LRRC4C: variants seen among roughly 807,000 people sequenced by gnomAD.
LRRC4C encodes leucine rich repeat containing 4C.
Under a neutral mutation model 33.6 loss-of-function variants are expected in LRRC4C, and 5 were observed. That is an observed-to-expected ratio of 0.15 (90% CI 0.08 to 0.31). The LOEUF (loss-of-function observed/expected upper bound fraction) is 0.31. Ranked by LOEUF, LRRC4C falls within the 10% of genes least tolerant of loss-of-function variation. LRRC4C has a pLI of 1.00. For synonymous variants in LRRC4C, 329 were observed against 302.0 expected (o/e 1.09, Z -0.93); for missense variants, 560 against 796.7 (o/e 0.70, Z 3.58).
At chr11:41,249,564 C>A (rs1948572657) in intron 1 of LRRC4C, among the ~76,000 whole-genome samples, 1 of 152,118 alleles carries the variant, frequency 6.6e-6, no homozygotes, top group African/African-American at 2.4e-5. Context: ...GCCTTTGCTT[C>A]CAGTACCTCC....
At chr11:41,042,271 G>C (rs1292706738) in intron 1 of LRRC4C, among the ~76,000 whole-genome samples, 1 of 152,068 alleles carries the variant, frequency 6.6e-6, no homozygotes, top group South Asian at 2.1e-4. Context: ...CCTTCCATGA[G>C]ACTAGAAACC....
chr11:41,325,573 TTTTTTGTGTGTGTGTG>T (rs1479305737), intron 1 of LRRC4C, among the ~76,000 whole-genome samples: 2 of 97,946 alleles, frequency 2.0e-5, no homozygotes, highest in Non-Finnish European at 4.3e-5. Context: ...ATAGTTTTTT[TTTTTTGTGTGTGTGTG>T]TGTGTGTGTG....
intron 4 of LRRC4C, chr11:40,293,152 C>G (rs1256383374): frequency 3.3e-5 from 5 of 151,950 alleles, no homozygotes; most frequent in African/African-American, 1.2e-4. Flanking sequence ...GTCTCCTTCC[C>G]TCCACCGCCT....
intron 1 of LRRC4C, among the ~76,000 whole-genome samples, chr11:41,062,273 G>C (rs535767186): frequency 1.5e-4 from 23 of 152,252 alleles, no homozygotes; most frequent in African/African-American, 5.5e-4. Flanking sequence ...AAAGGCACCA[G>C]TGTGTGTTGT....
chr11:40,955,210 CAA>C (rs1244145378), intron 1 of LRRC4C, among the ~76,000 whole-genome samples: 11 of 151,596 alleles, frequency 7.3e-5, no homozygotes, highest in African/African-American at 2.7e-4. Flanking sequence ...AAAAACAGCC[CAA>C]GAGATTCAAT....
intron 1 of LRRC4C, among the ~76,000 whole-genome samples, chr11:41,025,267 T>A (rs777766263): frequency 6.6e-6 from 1 of 151,602 alleles, no homozygotes; most frequent in African/African-American, 2.4e-5. Context: ...CCAAGATAGA[T>A]ATGTTAAAAG....
intron 3 of LRRC4C, among the ~76,000 whole-genome samples, chr11:40,609,281 C>A (rs1019534489): frequency 2.0e-5 from 3 of 151,788 alleles, no homozygotes; most frequent in Non-Finnish European, 4.4e-5. Context: ...GGAAAATCTA[C>A]AAATAATGGA....
chr11:40,703,482 G>C (rs909752717), intron 2 of LRRC4C, among the ~76,000 whole-genome samples: 1 of 152,162 alleles, frequency 6.6e-6, no homozygotes, highest in African/African-American at 2.4e-5. Context: ...AGGAGGTGGA[G>C]TGGGGAGGAT....
At chr11:40,991,204 TAAA>T (rs1186155913) in intron 1 of LRRC4C, among the ~76,000 whole-genome samples, 2,615 of 103,330 alleles carry the variant, frequency 0.025, 60 homozygotes, top group African/African-American at 0.077. Flanking sequence ...TCCCAATATG[TAAA>T]AAAAAAAAAA....
At chr11:40,816,278 A>G (rs1248620890) in intron 2 of LRRC4C, among the ~76,000 whole-genome samples, 1 of 152,204 alleles carries the variant, frequency 6.6e-6, no homozygotes, top group Non-Finnish European at 1.5e-5. Flanking sequence ...ATAGCTCCAC[A>G]TCTGTGTGCC....
intron 3 of LRRC4C, among the ~76,000 whole-genome samples, chr11:40,431,768 G>T (rs1950946084): frequency 6.6e-6 from 1 of 152,146 alleles, no homozygotes; most frequent in East Asian, 1.9e-4. Context: ...TAAGGTAACT[G>T]AGTCTTGAGC....
At chr11:40,373,446 T>C (rs575744893) in intron 3 of LRRC4C, among the ~76,000 whole-genome samples, 1 of 152,224 alleles carries the variant, frequency 6.6e-6, no homozygotes, top group Admixed American at 6.5e-5. Flanking sequence ...ATGTAGAATA[T>C]AAAATTTTTT....
chr11:41,256,459 T>A (rs1010009330), intron 1 of LRRC4C, among the ~76,000 whole-genome samples: 1 of 151,948 alleles, frequency 6.6e-6, no homozygotes, highest in Non-Finnish European at 1.5e-5. Context: ...TCAACTGGCA[T>A]CAAGACCCAC....
rs972502304 is a variant in LRRC4C, at chr11:41,150,147, C to T, written c.-495-216424G>A. On this transcript the variant is annotated intron_variant, in intron 1 of 6. Transcript: ENST00000528697. ...AAATCAGACTTGTACTTCAGATCTT[C>T]CCCAAAATGACATTTTCTTACGACT... Among the ~76,000 whole-genome samples the T allele has an allele frequency of 2.0e-5, 3 of 152,128 alleles. No homozygotes were observed. The South Asian group carries it at 6.2e-4, about 32-fold the overall frequency.
chr11:40,704,487 C>A (rs1454907919), intron 2 of LRRC4C, among the ~76,000 whole-genome samples: 2 of 152,178 alleles, frequency 1.3e-5, no homozygotes, highest in Non-Finnish European at 2.9e-5. Context: ...GAAATCTCAT[C>A]TCCAACCATG....
chr11:41,153,815 G>T (rs4755569), intron 1 of LRRC4C, among the ~76,000 whole-genome samples: 100,782 of 151,974 alleles, frequency 0.66, 35,084 homozygotes, highest in Middle Eastern at 0.79. Context: ...TGGAAAAAGG[G>T]TCTTCACAGA....
chr11:40,971,352 G>T (rs1350398440), intron 1 of LRRC4C, among the ~76,000 whole-genome samples: 1 of 152,206 alleles, frequency 6.6e-6, no homozygotes, highest in Non-Finnish European at 1.5e-5. Context: ...ATGGGTCAAA[G>T]GAGCCCAGAT....
intron 2 of LRRC4C, among the ~76,000 whole-genome samples, chr11:40,786,858 C>G (rs891000770): frequency 3.6e-4 from 55 of 152,056 alleles, no homozygotes; most frequent in African/African-American, 1.3e-3. Flanking sequence ...TCTCCCCCAC[C>G]CCCCATCCAG....
At chr11:40,740,470 T>G (rs1374463191) in intron 2 of LRRC4C, among the ~76,000 whole-genome samples, 1 of 151,866 alleles carries the variant, frequency 6.6e-6, no homozygotes, top group Non-Finnish European at 1.5e-5. Context: ...TTCATGTCCT[T>G]TTTCCATTAA....
Sources: gnomAD v4.1 joint callset for allele counts (sites outside exome capture counted in the v4.1 genomes callset) on GRCh38, gnomAD v4.1.1 for gene constraint, MANE v1.5 for transcripts, NCBI Gene and HGNC (gene_info 2026-07-23, HGNC 2026-07-21) for gene names.